Variants in NIN observed in about 807,000 individuals in gnomAD.
NIN encodes glycogen synthase kinase 3 beta-interacting protein.
Under a neutral mutation model 257.6 loss-of-function variants are expected in NIN, and 137 were observed. That is an observed-to-expected ratio of 0.53 (90% confidence interval 0.46 to 0.61). The LOEUF (loss-of-function observed/expected upper bound fraction) is 0.61, where lower values mean the gene tolerates loss of function less well. Ranked by LOEUF, NIN falls within the 20% of genes least tolerant of loss-of-function variation. The pLI, the probability that NIN is intolerant of heterozygous loss-of-function variation, is 0.00. For synonymous variants in NIN, 918 were observed against 919.8 expected (o/e 1.00, Z 0.04); for missense variants, 2,439 against 2,501.2 (o/e 0.98, Z 0.53).
At chr14:50,767,618 C>T (rs1234396861) in intron 12 of NIN, among the ~76,000 whole-genome samples, 1 of 152,042 alleles carries the variant, frequency 6.6e-6, no homozygotes, top group South Asian at 2.1e-4. Context: ...GAGATCGAGA[C>T]CATCCTGGCG....
intron 25 of NIN, among the ~76,000 whole-genome samples, chr14:50,740,321 G>A (rs2041216700): frequency 6.7e-6 from 1 of 150,254 alleles, no homozygotes; most frequent in Admixed American, 6.6e-5. Flanking sequence ...CAAGTAGCTG[G>A]GATTATGGGC....
chr14:50,775,476 G>A (rs146572913), intron 7 of NIN, among the ~76,000 whole-genome samples: 1 of 152,104 alleles, frequency 6.6e-6, no homozygotes, highest in African/African-American at 2.4e-5. Flanking sequence ...TAAAATTTTA[G>A]GATTCCAAGT....
At position 50,722,366 on chromosome 14, in the gene NIN, T is replaced by A. The variant is rs1462306943; in HGVS notation, c.*1097A>T. The A allele has an allele frequency of 9.3e-6, 2 of 214,158 alleles. No homozygotes were observed. The highest frequency in any genetic ancestry group is 1.9e-5 in the Non-Finnish European group (2 of 105,884). 13.3% of individuals were successfully genotyped at this position (214,158 alleles called of 1,614,324 possible). A position where few individuals can be genotyped will look rare whatever the true frequency, so the allele number is the denominator to read the frequency against. On this transcript the variant is annotated 3_prime_UTR_variant, in exon 31 of 31. Coordinates refer to ENST00000530997, the MANE Select transcript of NIN (RefSeq NM_020921.4). ...TTGACCTATATTAAATAAACTCTTCTATAAGTCAGGTTTTTAACCCTAAAA... is the reference window on the plus strand; with the variant it reads ...TTGACCTATATTAAATAAACTCTTCAATAAGTCAGGTTTTTAACCCTAAAA...
chr14:50,781,990 A>G (rs577998797), intron 5 of NIN, among the ~76,000 whole-genome samples: 50 of 151,616 alleles, frequency 3.3e-4, no homozygotes, highest in Admixed American at 2.6e-3. Flanking sequence ...CAATTCACAT[A>G]AGAAGCAACA....
chr14:50,816,049 A>T (rs2044878350), intron 3 of NIN, among the ~76,000 whole-genome samples: 1 of 152,174 alleles, frequency 6.6e-6, no homozygotes, highest in South Asian at 2.1e-4. Flanking sequence ...CCTTTGCAAG[A>T]CATAGATGGA....
At chr14:50,816,450 T>C (rs1435705593) in intron 3 of NIN, among the ~76,000 whole-genome samples, 1 of 152,164 alleles carries the variant, frequency 6.6e-6, no homozygotes, top group East Asian at 1.9e-4. Context: ...CTGTATACTA[T>C]CTCCATGTGG....
Position 50,759,904 on chromosome 14 carries a change from T to C in NIN, c.2352A>G (p.Leu784=). ...VEKHTLEKEE[L]RKELLEKHQR... The stretch of plus-strand genomic sequence containing the variant: ...GGTGCTTTTCCAAGAGCTCTTTTCT[T>C]AACTCCTCTTTCTCAAGAGTGTGTT... The change falls in exon 17 of 31, where the codon TTA becomes TTG. Residue 784 remains leucine (L), a synonymous_variant. Transcript: ENST00000530997. 6.2e-7 allele frequency: 1 copy of C among 1,613,890 alleles called. No homozygotes were observed. The highest frequency in any genetic ancestry group is 1.1e-5 in the South Asian group (1 of 91,060).
chr14:50,804,765 C>T (rs1372523241), intron 4 of NIN, among the ~76,000 whole-genome samples: 2 of 151,422 alleles, frequency 1.3e-5, no homozygotes, highest in African/African-American at 2.4e-5. Flanking sequence ...ACATAAAATA[C>T]GCTAACACTA....
intron 2 of NIN, among the ~76,000 whole-genome samples, chr14:50,826,447 C>A (rs554343902): frequency 6.6e-6 from 1 of 152,314 alleles, no homozygotes; most frequent in Admixed American, 6.5e-5. Flanking sequence ...TTATTCTGAG[C>A]ATTTTCCTTC....
At chr14:50,731,528 CAAAAAAAA>C (rs34408175) in intron 28 of NIN, among the ~76,000 whole-genome samples, 2 of 96,126 alleles carry the variant, frequency 2.1e-5, no homozygotes, top group Non-Finnish European at 4.1e-5. Context: ...GACTCCATCT[CAAAAAAAA>C]AAAAAAAAAA....
At chr14:50,809,081 C>T (rs769870015) in intron 3 of NIN, among the ~76,000 whole-genome samples, 5 of 152,138 alleles carry the variant, frequency 3.3e-5, no homozygotes, top group Non-Finnish European at 7.4e-5. Context: ...ATTAGCTGGG[C>T]ATGGTGGTGC....
chr14:50,765,196 C>T (rs1220182889), intron 14 of NIN, among the ~76,000 whole-genome samples: 1 of 151,844 alleles, frequency 6.6e-6, no homozygotes, highest in Non-Finnish European at 1.5e-5. Flanking sequence ...GCGATCACAC[C>T]ACCGTACTCC....
chr14:50,758,139 A>C lies in NIN; in HGVS notation c.2891T>G (p.Leu964Arg). Reference protein sequence around the residue: ...VLCQAGASEQLASQRLERLEM... With the variant: ...VLCQAGASEQRASQRLERLEM... ...TAGTCTTTCCAGCCGCTGGCTGGCC[A>C]GCTGCTCCGAAGCCCCTGCCTGGCA... is the stretch of plus-strand genomic sequence containing the variant. The change falls in exon 18 of 31, where the codon CTG becomes CGG. Residue 964 changes from leucine (L) to arginine (R), a missense_variant. Transcript: ENST00000530997. The C allele has an allele frequency of 3.7e-6, 6 of 1,614,114 alleles. No homozygotes were observed. The highest frequency in any genetic ancestry group is 5.1e-6 in the Non-Finnish European group (6 of 1,180,008).
chr14:50,734,605 G>A (rs751259876), intron 28 of NIN, among the ~76,000 whole-genome samples: 5 of 152,026 alleles, frequency 3.3e-5, no homozygotes, highest in East Asian at 1.9e-4. Context: ...AATTAAACTC[G>A]GTATTCAGAA....
chr14:50,771,318 T>C lies in NIN; in HGVS notation c.1118+14A>G, dbSNP rs1237039158. 6.2e-7 allele frequency: 1 copy of C among 1,612,848 alleles called. No individual in the cohort carries two copies. Among genetic ancestry groups the C allele is most frequent in the Non-Finnish European group, 8.5e-7 (1 of 1,179,642 alleles). On this transcript the variant is annotated intron_variant, in intron 10 of 30. Transcript: ENST00000530997. Reference sequence around the variant, plus strand: ...GAAAGGGAATGGGGCAGGCGAACCTTCTGCTCAACTCACAACAAATGCCGG... The same window carrying C: ...GAAAGGGAATGGGGCAGGCGAACCTCCTGCTCAACTCACAACAAATGCCGG...
In NIN at chr14:50,756,660, T is replaced by C. The variant is rs746979536; in HGVS notation, c.4370A>G (p.Glu1457Gly). ...AGTCAGCTCCTGTAACTTTGTTTTC[T>C]CCAGTTCTAACTCTGCTATGGTGGC... ...HQATIAELEL[E>G]KTKLQELTRK... is the part of the protein sequence containing the mutation. Residue 1457 changes from glutamate (E) to glycine (G), a missense_variant, in exon 18 of 31, where the codon GAG (glutamate) becomes GGG (glycine). Transcript: ENST00000530997. The C allele has an allele frequency of 2.2e-5, 34 of 1,552,638 alleles. No homozygotes were observed. Among genetic ancestry groups the C allele is most frequent in the Non-Finnish European group, 2.9e-5 (33 of 1,147,446 alleles).
chr14:50,767,618 C>A (rs1234396861), intron 12 of NIN, among the ~76,000 whole-genome samples: 2 of 152,042 alleles, frequency 1.3e-5, no homozygotes, highest in East Asian at 3.9e-4. Flanking sequence ...GAGATCGAGA[C>A]CATCCTGGCG....
chr14:50,753,314 C>T (rs1049530858), intron 20 of NIN, among the ~76,000 whole-genome samples: 1 of 152,168 alleles, frequency 6.6e-6, no homozygotes, highest in African/African-American at 2.4e-5. Flanking sequence ...ACAGGAGAAT[C>T]GCTTGAACCC....
chr14:50,792,301 G>A (rs763154239), intron 5 of NIN: 2 of 165,162 alleles, frequency 1.2e-5, no homozygotes, highest in Admixed American at 5.9e-5. Context: ...ATGCCTGAAC[G>A]CGTTGCTTTC....
Sources: gnomAD v4.1 joint callset for allele counts (sites outside exome capture counted in the v4.1 genomes callset) on GRCh38, gnomAD v4.1.1 for gene constraint, MANE v1.5 for transcripts, NCBI Gene and HGNC (gene_info 2026-07-23, HGNC 2026-07-21) for gene names.